The following NEBL variants were observed in gnomAD, a reference collection of about 807,000 sequenced individuals.
NEBL encodes LIM and SH3 protein 2.
A neutral mutation model predicts 140.2 loss-of-function variants in NEBL; 122 were observed. The ratio of observed to expected loss-of-function variants is 0.87; its 90% CI spans 0.75 to 1.01. The LOEUF is 1.01. Ranked by LOEUF, NEBL falls within the 50% of genes least tolerant of loss-of-function variation. NEBL has a pLI of 0.00. For missense variants in NEBL, 1,365 were observed against 1,231.3 expected, an observed-to-expected ratio of 1.11 and a Z score of -1.62; for synonymous variants, 436 against 398.9, an observed-to-expected ratio of 1.09 and a Z score of -1.11.
At chr10:21,193,835 A>G (rs559691652) in intron 3 of NEBL, among the ~76,000 whole-genome samples, 130 of 152,198 alleles carry the variant, frequency 8.5e-4, no homozygotes, top group Non-Finnish European at 1.3e-3. Flanking sequence ...TCTTCAGCAC[A>G]AGAATTATCT....
intron 14 of NEBL, among the ~76,000 whole-genome samples, chr10:20,833,904 G>T (rs1315520383): frequency 6.6e-6 from 1 of 152,174 alleles, no homozygotes; most frequent in Non-Finnish European, 1.5e-5. Context: ...CACCACTATG[G>T]GGGTGGCATC....
Position 20,896,986 on chromosome 10 carries a change from G to GCCAATT in NEBL, c.119_124dup (p.Glu40_Leu41dup), listed in dbSNP as rs750671831. ...GCTAATGAGTTCCGTGCATTTTCTG[G>GCCAATT]CCAATTCCATGCTTAAGTCTTCAAT... On this transcript the variant is annotated inframe_insertion, in exon 2 of 28. Coordinates refer to ENST00000377122, the MANE Select transcript of NEBL (RefSeq NM_006393.3). 1 of 1,613,614 alleles carries GCCAATT rather than the reference G, an allele frequency of 6.2e-7. No individual in the cohort carries two copies. The highest frequency in any genetic ancestry group is 8.5e-7 in the Non-Finnish European group (1 of 1,179,898).
chr10:21,205,822 G>A (rs540904392), intron 3 of NEBL, among the ~76,000 whole-genome samples: 1 of 152,234 alleles, frequency 6.6e-6, no homozygotes, highest in African/African-American at 2.4e-5. Context: ...CACAGGGATA[G>A]GTAGGAAAGT....
chr10:20,785,965 G>A, intron 27 of NEBL, 42 bp from the exon 28 acceptor site: 1 of 1,583,800 alleles, frequency 6.3e-7, no homozygotes, highest in Non-Finnish European at 8.7e-7. Context: ...TGCCGAAATA[G>A]CTACAGCCAC....
chr10:21,290,298 A>G (rs11012641), intron 1 of NEBL, among the ~76,000 whole-genome samples: 42,259 of 152,000 alleles, frequency 0.28, 7,663 homozygotes, highest in African/African-American at 0.52. Flanking sequence ...GCAAAATATG[A>G]TGCTCCGGTA....
chr10:20,973,141 T>C (rs1411387299), intron 3 of NEBL, among the ~76,000 whole-genome samples: 2 of 152,242 alleles, frequency 1.3e-5, no homozygotes, highest in Non-Finnish European at 2.9e-5. Flanking sequence ...ACAGCAGGTA[T>C]GATTTATTGA....
At chr10:21,223,066 T>C (rs1158558016) in intron 3 of NEBL, among the ~76,000 whole-genome samples, 1 of 152,204 alleles carries the variant, frequency 6.6e-6, no homozygotes, top group Non-Finnish European at 1.5e-5. Flanking sequence ...CCTGGCTCTT[T>C]TAGTTATTTT....
chr10:21,073,411 G>T (rs1835909074), intron 2 of NEBL, among the ~76,000 whole-genome samples: 1 of 151,640 alleles, frequency 6.6e-6, no homozygotes, highest in South Asian at 2.1e-4. Context: ...GAGGTCAGGA[G>T]TTCAAGACCA....
chr10:21,278,592 CAG>C (rs753734190), intron 1 of NEBL, among the ~76,000 whole-genome samples: 7 of 152,222 alleles, frequency 4.6e-5, no homozygotes, highest in Non-Finnish European at 1.0e-4. Context: ...CCACTTCCAA[CAG>C]AGACTCTCCA....
chr10:20,947,578 C>G (rs80186448), intron 4 of NEBL, among the ~76,000 whole-genome samples: 3 of 152,162 alleles, frequency 2.0e-5, no homozygotes, highest in East Asian at 1.9e-4. Flanking sequence ...ATGGAGTAAT[C>G]TGCAAAAGTA....
chr10:21,029,191 G>A lies in NEBL; in HGVS notation c.165-8990C>T, dbSNP rs1833672795. On this transcript the variant is annotated intron_variant, in intron 2 of 6. Coordinates refer to the NEBL transcript ENST00000417816. The stretch of plus-strand genomic sequence containing the variant: ...CAGTAATGATAACAATGTGTATAGG[G>A]CGCCTCCAATTGACCATTCCATCCT... 4 of 1,391,584 alleles carry A rather than the reference G, an allele frequency of 2.9e-6. No individual in the cohort carries two copies. The African/African-American group carries it at 4.2e-5, about 15-fold the overall frequency. The allele number at this position is 1,391,584 out of a possible 1,614,324, so 86.2% of individuals were successfully genotyped here.
At chr10:21,102,884 T>C (rs1198027707) in intron 2 of NEBL, among the ~76,000 whole-genome samples, 5 of 152,134 alleles carry the variant, frequency 3.3e-5, no homozygotes, top group African/African-American at 2.4e-5. Context: ...GTTTGTTACA[T>C]AGGTAAGAGT....
intron 1 of NEBL, among the ~76,000 whole-genome samples, chr10:21,292,151 AAG>A (rs1030578695): frequency 6.6e-6 from 1 of 152,096 alleles, no homozygotes; most frequent in African/African-American, 2.4e-5. Context: ...TTTCTCTTCA[AAG>A]AGGATATTTC....
At chr10:20,840,364 G>A (rs1303420967) in intron 13 of NEBL, among the ~76,000 whole-genome samples, 3 of 152,130 alleles carry the variant, frequency 2.0e-5, no homozygotes, top group African/African-American at 7.2e-5. Context: ...CCCAGGGCAA[G>A]ACTGGGAGAG....
At chr10:21,158,439 T>C (rs1435329697) in intron 2 of NEBL, among the ~76,000 whole-genome samples, 2 of 152,350 alleles carry the variant, frequency 1.3e-5, no homozygotes, top group African/African-American at 4.8e-5. Context: ...ACTATTATTA[T>C]CAGCAACTGA....
chr10:20,970,485 CA>C (rs985924479), intron 3 of NEBL, among the ~76,000 whole-genome samples: 47 of 145,558 alleles, frequency 3.2e-4, no homozygotes, highest in Admixed American at 2.7e-4. Flanking sequence ...CTCCCCCCAC[CA>C]AAAAAAAAAA....
chr10:20,991,576 C>T (rs1480701042), intron 3 of NEBL, among the ~76,000 whole-genome samples: 2 of 151,734 alleles, frequency 1.3e-5, no homozygotes, highest in African/African-American at 4.8e-5. Context: ...TATATAAATG[C>T]TCATTTTTCC....
intron 7 of NEBL, among the ~76,000 whole-genome samples, chr10:20,865,632 C>T (rs1342763600): frequency 1.3e-5 from 2 of 152,118 alleles, no homozygotes; most frequent in Non-Finnish European, 2.9e-5. Flanking sequence ...AAGTGATGCC[C>T]ATATCCCCTG....
In NEBL at chr10:20,819,465, C is replaced by T; in HGVS notation, c.2014G>A (p.Glu672Lys). Reference sequence around the variant, plus strand: ...TGGTTTCGCCTCACTCTCTCTATCTCCGGGGTCATGCTTACCGGAGTGGCC... The same window carrying T: ...TGGTTTCGCCTCACTCTCTCTATCTTCGGGGTCATGCTTACCGGAGTGGCC... The part of the protein sequence containing the change: ...YKATPVSMTP[E>K]IERVRRNQEQ... The change falls in exon 20 of 28, where the codon GAG becomes AAG. Residue 672 changes from glutamate (E) to lysine (K), a missense_variant. Transcript: ENST00000377122. The T allele has an allele frequency of 6.2e-7, 1 of 1,614,090 alleles. No individual in the cohort carries two copies. Among genetic ancestry groups the T allele is most frequent in the Non-Finnish European group, 8.5e-7 (1 of 1,179,970 alleles).
Sources: gnomAD v4.1 joint callset for allele counts (sites outside exome capture counted in the v4.1 genomes callset) on GRCh38, gnomAD v4.1.1 for gene constraint, MANE v1.5 for transcripts, NCBI Gene and HGNC (gene_info 2026-07-23, HGNC 2026-07-21) for gene names.